POTEF: variants seen among roughly 807,000 people sequenced by gnomAD.
The protein encoded by POTEF is ANKRD26-like family C member 1B.
A neutral mutation model predicts 83.2 loss-of-function variants in POTEF; 20 were observed. The ratio of observed to expected loss-of-function variants is 0.24; its 90% confidence interval spans 0.17 to 0.35. POTEF has a LOEUF of 0.35. Among genes scored for constraint, POTEF ranks in the 10% least tolerant of loss-of-function variants. The pLI is 1.00. For synonymous variants in POTEF, 196 were observed against 446.4 expected, an observed-to-expected ratio of 0.44 and a Z score of 7.07; for missense variants, 550 against 1,203.2, an observed-to-expected ratio of 0.46 and a Z score of 8.03.
chr2:130,103,335 G>C (rs1684425838), intron 8 of POTEF, among the ~76,000 whole-genome samples: 1 of 150,532 alleles, frequency 6.6e-6, no homozygotes, highest in African/African-American at 2.5e-5. Context: ...TTTTGACCTT[G>C]TGATCTGCCT....
Position 130,109,584 on chromosome 2 carries a change from AC to A in POTEF, c.1055+958del, listed in dbSNP as rs1684648526. ...GACTTTCTACTGCCCAAGGTTCTAT[AC>A]AGGATATAAAGGTGCCTCACAGTAC... On this transcript the variant is annotated intron_variant, in intron 7 of 16. Coordinates refer to ENST00000409914, the MANE Select transcript of POTEF (RefSeq NM_001099771.2). The A allele has an allele frequency of 1.3e-5, 2 of 151,446 alleles. 1 individual carries two copies. The highest frequency in any genetic ancestry group is 4.1e-4 in the South Asian group (2 of 4,832). 9.4% of individuals were successfully genotyped at this position (151,446 alleles called of 1,614,324 possible).
chr2:130,117,561 C>A (rs1397078044), intron 3 of POTEF, among the ~76,000 whole-genome samples: 1 of 151,998 alleles, frequency 6.6e-6, no homozygotes, highest in Admixed American at 6.5e-5. Flanking sequence ...TATGTGTAAC[C>A]GATTTTTTTT....
chr2:130,114,050 G>A (rs1249851784), intron 5 of POTEF, among the ~76,000 whole-genome samples: 1 of 151,838 alleles, frequency 6.6e-6, no homozygotes, highest in Non-Finnish European at 1.5e-5. Flanking sequence ...GACTCTCATT[G>A]GCCATTTCTA....
intron 11 of POTEF, among the ~76,000 whole-genome samples, chr2:130,096,850 G>A (rs1251679419): frequency 6.5e-5 from 9 of 138,176 alleles, no homozygotes; most frequent in African/African-American, 2.5e-4. Context: ...GCTGAGGCAG[G>A]AGAATCACTT....
At position 130,074,218 on chromosome 2, in the gene POTEF, T is replaced by A; in HGVS notation, c.*26A>T. 6.2e-7 allele frequency: 1 copy of A among 1,608,428 alleles called. No homozygotes were observed. The highest frequency in any genetic ancestry group is 8.5e-7 in the Non-Finnish European group (1 of 1,178,162). ...GAAGTTTGGTTTTGTCAAGAAAGGG[T>A]GTAACGCAACTAAGTCAGAGTCCAC... is the stretch of plus-strand genomic sequence containing the variant. On this transcript the variant is annotated 3_prime_UTR_variant, in exon 17 of 17. Transcript: ENST00000409914.
intron 8 of POTEF, among the ~76,000 whole-genome samples, chr2:130,103,336 T>G (rs1371877669): frequency 6.6e-6 from 1 of 150,700 alleles, no homozygotes; most frequent in Admixed American, 6.6e-5. Flanking sequence ...TTTGACCTTG[T>G]GATCTGCCTG....
intron 8 of POTEF, among the ~76,000 whole-genome samples, chr2:130,102,809 T>G (rs1314272575): frequency 6.6e-6 from 1 of 151,698 alleles, no homozygotes; most frequent in African/African-American, 2.4e-5. Flanking sequence ...ACTGTCACTA[T>G]ATGATTAACT....
rs1684963047 is a variant in POTEF, at chr2:130,120,221, C to T, written c.295G>A (p.Gly99Ser). 6.3e-7 allele frequency: 1 copy of T among 1,599,486 alleles called. No homozygotes were observed. Among genetic ancestry groups the T allele is most frequent in the Non-Finnish European group, 8.5e-7 (1 of 1,175,280 alleles). ...SAMKTLRNKM[G>S]KWCCHCFPCC... ...GGGAAGCAGTGGCAGCACCACTTGC[C>T]CATCTTGTTCCTGAGTGTCTTCATA... The change falls in exon 3 of 17, where the codon GGC (glycine) becomes AGC (serine). Residue 99 changes from glycine to serine, a missense_variant. By Grantham distance (56) the Gly-to-Ser change is moderately conservative. Coordinates refer to ENST00000409914, the MANE Select transcript of POTEF (RefSeq NM_001099771.2).
chr2:130,128,978 CCT>C (rs1178672252), intron 1 of POTEF, 92 bp downstream of exon 1: 2 of 115,288 alleles, frequency 1.7e-5, no homozygotes, highest in Non-Finnish European at 3.6e-5. Context: ...CAACCAGCCC[CCT>C]GACACAGGCA....
chr2:130,119,318 C>T (rs541638883), intron 3 of POTEF, among the ~76,000 whole-genome samples: 11 of 151,914 alleles, frequency 7.2e-5, no homozygotes, highest in African/African-American at 2.4e-4. Flanking sequence ...CGTCTACCAC[C>T]GCACCCGGCT....
At chr2:130,110,358 T>C (rs1375080650) in intron 7 of POTEF, among the ~76,000 whole-genome samples, 185 bp downstream of exon 7, 1 of 150,908 alleles carries the variant, frequency 6.6e-6, no homozygotes. Flanking sequence ...CCCGCACCCA[T>C]TGGTACTTCT....
At chr2:130,126,471 A>C (rs1186848846) in intron 2 of POTEF, among the ~76,000 whole-genome samples, 2 of 152,062 alleles carry the variant, frequency 1.3e-5, no homozygotes, top group Non-Finnish European at 2.9e-5. Context: ...CAATATTTTT[A>C]TGTGATGCTT....
At chr2:130,118,677 C>G (rs996936939) in intron 3 of POTEF, among the ~76,000 whole-genome samples, 11 of 150,694 alleles carry the variant, frequency 7.3e-5, no homozygotes, top group Admixed American at 4.0e-4. Context: ...GCCGGGGCAG[C>G]AGAGTCAGAC....
intron 3 of POTEF, among the ~76,000 whole-genome samples, chr2:130,117,165 G>T (rs1026373201): frequency 6.6e-6 from 1 of 151,778 alleles, no homozygotes; most frequent in African/African-American, 2.4e-5. Flanking sequence ...CAACTAAAAT[G>T]ATTAATTCAT....
chr2:130,115,506 G>A (rs1308098480), intron 3 of POTEF, among the ~76,000 whole-genome samples, 178 bp from the exon 4 acceptor site: 1 of 152,066 alleles, frequency 6.6e-6, no homozygotes, highest in African/African-American at 2.4e-5. Flanking sequence ...CTGTATTAAT[G>A]AAAGGGCAGC....
At chr2:130,109,410 T>C (rs1348151236) in intron 7 of POTEF, 1 of 143,412 alleles carries the variant, frequency 7.0e-6, no homozygotes, top group Non-Finnish European at 1.5e-5. Context: ...TTCTCTTCAA[T>C]GGCTTCCTGT....
chr2:130,118,429 G>A (rs1246654446), intron 3 of POTEF, among the ~76,000 whole-genome samples: 4 of 146,102 alleles, frequency 2.7e-5, no homozygotes, highest in Admixed American at 2.1e-4. Flanking sequence ...AGGCACAGTG[G>A]CTCACGCCTG....
chr2:130,112,924 C>A (rs1261702416), intron 5 of POTEF, among the ~76,000 whole-genome samples: 4 of 151,912 alleles, frequency 2.6e-5, no homozygotes, highest in Non-Finnish European at 5.9e-5. Flanking sequence ...GACACAAAAT[C>A]CTGAGAGGGC....
In POTEF at chr2:130,107,112, T is replaced by C. The variant is rs1382552843; in HGVS notation, c.1126+897A>G. ...ACAACCAGGTAGCATACTAGCATTTTTGTTAGCGTGAAACGTTTTTCTGCT... is the reference window on the plus strand; with the variant it reads ...ACAACCAGGTAGCATACTAGCATTTCTGTTAGCGTGAAACGTTTTTCTGCT... On this transcript the variant is annotated intron_variant, in intron 8 of 16. Coordinates refer to ENST00000409914, the MANE Select transcript of POTEF (RefSeq NM_001099771.2). Among the ~76,000 whole-genome samples the C allele has an allele frequency of 5.0e-5, 7 of 141,202 alleles. No individual in the cohort carries two copies. The South Asian group carries it at 1.4e-3, about 28-fold the overall frequency. 92.6% of individuals were successfully genotyped at this position (141,202 alleles called of 152,430 possible).
Sources: gnomAD v4.1 joint callset for allele counts (sites outside exome capture counted in the v4.1 genomes callset) on GRCh38, gnomAD v4.1.1 for gene constraint, MANE v1.5 for transcripts, NCBI Gene and HGNC (gene_info 2026-07-23, HGNC 2026-07-21) for gene names.